The following XG variants were observed in gnomAD, a reference collection of about 807,000 sequenced individuals.
The protein encoded by XG is Xg glycoprotein (Xg blood group).
Under a neutral mutation model 25.7 loss-of-function variants are expected in XG, and 24 were observed. The observed-to-expected ratio is 0.93, with a 90% CI of 0.68 to 1.31. The LOEUF (loss-of-function observed/expected upper bound fraction) is 1.31, where lower values mean the gene tolerates loss of function less well. Ranked by LOEUF, XG falls within the 40% of genes most tolerant of loss-of-function variation. The pLI is 0.00. For synonymous variants in XG, 77 were observed against 69.2 expected (o/e 1.11, Z -0.56); for missense variants, 181 against 187.6 (o/e 0.96, Z 0.21).
At chrX:2,778,198 A>G (rs1569463383) in intron 3 of XG, among the ~76,000 whole-genome samples, 1 of 152,078 alleles carries the variant, frequency 6.6e-6, no homozygotes, top group Non-Finnish European at 1.5e-5. Flanking sequence ...GAGATTTTAA[A>G]AAGCATTTCC....
At chrX:2,788,926 T>C (rs1181888937) in intron 4 of XG, among the ~76,000 whole-genome samples, 11 of 110,681 alleles carry the variant, frequency 9.9e-5, no homozygotes, top group African/African-American at 3.3e-4. Flanking sequence ...TGCAAAAAGT[T>C]TTAAGAAATT....
chrX:2,789,115 G>C (rs939912117), intron 4 of XG, among the ~76,000 whole-genome samples: 2 of 110,589 alleles, frequency 1.8e-5, no homozygotes, highest in African/African-American at 6.6e-5. Context: ...CCTGTAGACT[G>C]AGCTACATGG....
At chrX:2,802,634 C>T (rs753363171) in intron 7 of XG, among the ~76,000 whole-genome samples, 1 of 107,907 alleles carries the variant, frequency 9.3e-6, no homozygotes, top group Non-Finnish European at 1.9e-5. Context: ...TTGTGTGGGA[C>T]GGCAGAGCTC....
intron 1 of XG, among the ~76,000 whole-genome samples, chrX:2,760,350 T>C (rs1222428922): frequency 6.6e-6 from 1 of 152,028 alleles, no homozygotes; most frequent in East Asian, 1.9e-4. Flanking sequence ...AAATCTGTTG[T>C]GAGCCAAATT....
Position 2,789,796 on chromosome X carries a change from T to G in XG, c.253+90T>G, listed in dbSNP as rs191101039. The G allele has an allele frequency of 1.4e-3, 609 of 427,406 alleles. 4 individuals are homozygous for G. In the African/African-American group the frequency reaches 0.015, roughly 10 times the overall value. 35.2% of individuals were successfully genotyped at this position (427,406 alleles called of 1,213,427 possible). A position where few individuals can be genotyped will look rare whatever the true frequency, so the allele number is the denominator to read the frequency against. ...GATTCTATGTTATTTTACTTTATTT[T>G]ACCATTTTATTTGATTCTATGTTAT... On this transcript the variant is annotated intron_variant, in intron 5 of 10. Transcript: ENST00000644266.
intron 5 of XG, among the ~76,000 whole-genome samples, chrX:2,791,526 C>G (rs2086837598): frequency 9.5e-6 from 1 of 105,289 alleles, no homozygotes; most frequent in African/African-American, 3.3e-5. Context: ...CTGCAAGTCT[C>G]CAAAACCACA....
At chrX:2,775,067 G>A (rs1476723391) in intron 3 of XG, 3 of 352,444 alleles carry the variant, frequency 8.5e-6, no homozygotes, top group Admixed American at 8.2e-5. Flanking sequence ...ATGCTTTGGT[G>A]GATCCTCCAA....
chrX:2,753,981 T>C (rs2050382986), intron 1 of XG, among the ~76,000 whole-genome samples: 1 of 152,190 alleles, frequency 6.6e-6, no homozygotes, highest in South Asian at 2.1e-4. Context: ...GATTTGTCCA[T>C]CCGTTGGCTG....
intron 5 of XG, among the ~76,000 whole-genome samples, chrX:2,791,081 T>C (rs1158062513): frequency 9.1e-6 from 1 of 110,395 alleles, no homozygotes; most frequent in East Asian, 2.8e-4. Flanking sequence ...TTGGTCTGTG[T>C]TCTACTCACT....
intron 3 of XG, among the ~76,000 whole-genome samples, chrX:2,775,553 G>C (rs986385418): frequency 6.6e-6 from 1 of 152,178 alleles, no homozygotes; most frequent in Admixed American, 6.5e-5. Context: ...ACACAGAGGT[G>C]ATGGCTGCAC....
intron 6 of XG, among the ~76,000 whole-genome samples, chrX:2,796,486 GTGTA>G (rs2086887986): frequency 9.6e-6 from 1 of 103,769 alleles, no homozygotes; most frequent in Non-Finnish European, 1.9e-5. Flanking sequence ...GTGTGTGTGT[GTGTA>G]TATATATATA....
At chrX:2,756,875 C>T (rs1378190917) in intron 1 of XG, among the ~76,000 whole-genome samples, 2 of 152,188 alleles carry the variant, frequency 1.3e-5, no homozygotes, top group Admixed American at 6.5e-5. Context: ...CTGCGACCCC[C>T]GAAGCCCTAG....
intron 4 of XG, among the ~76,000 whole-genome samples, chrX:2,786,460 G>C (rs1348823836): frequency 9.2e-6 from 1 of 108,465 alleles, no homozygotes; most frequent in Non-Finnish European, 1.9e-5. Context: ...CAGAGACAGG[G>C]TTTCACCATG....
At chrX:2,756,647 C>T (rs780950126) in intron 1 of XG, among the ~76,000 whole-genome samples, 1 of 152,172 alleles carries the variant, frequency 6.6e-6, no homozygotes, top group Non-Finnish European at 1.5e-5. Context: ...AAGACAGTCT[C>T]TTCCAAGTCT....
chrX:2,797,573 C>T (rs768563808), intron 7 of XG, among the ~76,000 whole-genome samples: 70 of 105,767 alleles, frequency 6.6e-4, no homozygotes, highest in African/African-American at 2.4e-3. Flanking sequence ...CATACACACA[C>T]GCATACACAC....
chrX:2,760,985 GTC>G (rs1197530996), intron 1 of XG, among the ~76,000 whole-genome samples: 2 of 152,058 alleles, frequency 1.3e-5, no homozygotes. Flanking sequence ...GAGAATCAAT[GTC>G]CACTGTTTAA....
intron 7 of XG, among the ~76,000 whole-genome samples, chrX:2,801,008 A>G (rs939887086): frequency 6.4e-5 from 7 of 108,871 alleles, no homozygotes; most frequent in Non-Finnish European, 1.3e-4. Flanking sequence ...AGGACACTAA[A>G]AAAGAATTGA....
At chrX:2,806,962 A>G (rs1291989306) in intron 8 of XG, among the ~76,000 whole-genome samples, 1 of 110,241 alleles carries the variant, frequency 9.1e-6, no homozygotes, top group Admixed American at 9.8e-5. Context: ...ACTATGGCCC[A>G]CTTACAGGTG....
intron 4 of XG, among the ~76,000 whole-genome samples, chrX:2,786,134 G>A (rs2086781007): frequency 9.1e-6 from 1 of 110,039 alleles, no homozygotes; most frequent in South Asian, 4.0e-4. Flanking sequence ...GCTTCCATGA[G>A]CTCCTGTGGC....
Sources: gnomAD v4.1 joint callset for allele counts (sites outside exome capture counted in the v4.1 genomes callset) on GRCh38, gnomAD v4.1.1 for gene constraint, MANE v1.5 for transcripts, NCBI Gene and HGNC (gene_info 2026-07-23, HGNC 2026-07-21) for gene names.